Variants in COMMD1 observed in about 807,000 individuals in gnomAD.
The protein encoded by COMMD1 is copper metabolism domain containing 1.
In COMMD1, 10 loss-of-function variants were observed where a neutral mutation model predicts 17.2. The observed-to-expected ratio is 0.58, with a 90% CI of 0.36 to 0.99. The LOEUF is 0.99. Ranked by LOEUF, COMMD1 falls within the 50% of genes least tolerant of loss-of-function variation. The probability of loss-of-function intolerance (pLI) is 0.01; values close to 1 mark genes in which losing one functional copy is unlikely to be tolerated. For synonymous variants in COMMD1, 97 were observed against 91.6 expected, an observed-to-expected ratio of 1.06 and a Z score of -0.34; for missense variants, 270 against 231.8, an observed-to-expected ratio of 1.17 and a Z score of -1.07.
chr2:61,910,698 A>G (rs1254171373), intron 1 of COMMD1, among the ~76,000 whole-genome samples: 2 of 152,224 alleles, frequency 1.3e-5, no homozygotes, highest in African/African-American at 2.4e-5. Flanking sequence ...GCATAATCTA[A>G]CTATGAAGAT....
rs548671690 is a variant in COMMD1 at position 62,113,124 on chromosome 2, C to T, written c.463-22707C>T. ...ACTTTGGGAGGCAGAGGTGGGAGGT[C>T]GCATGAGTCTGGGAGTTCAAGACTA... On this transcript the variant is annotated intron_variant, in intron 2 of 2. Coordinates refer to ENST00000311832, the MANE Select transcript of COMMD1 (RefSeq NM_152516.4). Among the ~76,000 whole-genome samples, 39 of 151,528 alleles carry T rather than the reference C, an allele frequency of 2.6e-4. 1 individual carries two copies. The highest frequency in any genetic ancestry group is 4.4e-5 in the Non-Finnish European group (3 of 67,912).
intron 2 of COMMD1, among the ~76,000 whole-genome samples, chr2:62,096,739 A>G (rs1672022264): frequency 6.6e-6 from 1 of 152,250 alleles, no homozygotes; most frequent in African/African-American, 2.4e-5. Flanking sequence ...CATATGTCCC[A>G]AATACTTAAC....
chr2:61,905,461 G>C (rs1669744994), upstream of COMMD1, among the ~76,000 whole-genome samples: 1 of 152,240 alleles, frequency 6.6e-6, no homozygotes, highest in Non-Finnish European at 1.5e-5. Flanking sequence ...GAAGCAAAGT[G>C]ACCCTACTGG....
chr2:62,003,248 C>CAA (rs1433527620), intron 2 of COMMD1, among the ~76,000 whole-genome samples: 1 of 136,564 alleles, frequency 7.3e-6, no homozygotes, highest in African/African-American at 2.9e-5. Flanking sequence ...AAAAACAAAA[C>CAA]AAAACAAAAC....
intron 1 of COMMD1, among the ~76,000 whole-genome samples, chr2:61,980,635 G>A (rs888347699): frequency 2.1e-5 from 3 of 144,332 alleles, no homozygotes; most frequent in Non-Finnish European, 3.0e-5. Context: ...GTTCATTGTA[G>A]ATTCTGGATA....
intron 2 of COMMD1, among the ~76,000 whole-genome samples, chr2:62,126,718 G>A (rs1301726184): frequency 6.6e-6 from 1 of 152,114 alleles, no homozygotes; most frequent in Non-Finnish European, 1.5e-5. Context: ...CCTGTTTGCT[G>A]TGATGATAGT....
At chr2:62,039,219 TCAAG>T (rs972917239) in intron 2 of COMMD1, among the ~76,000 whole-genome samples, 1 of 152,248 alleles carries the variant, frequency 6.6e-6, no homozygotes, top group Non-Finnish European at 1.5e-5. Flanking sequence ...CTTCTTTCCT[TCAAG>T]CAGAGAATAT....
At chr2:61,896,064 C>T (rs1669542826) in intron 1 of COMMD1, among the ~76,000 whole-genome samples, 1 of 152,170 alleles carries the variant, frequency 6.6e-6, no homozygotes, top group African/African-American at 2.4e-5. Flanking sequence ...TCTATAAAGA[C>T]TGGAAGAGGT....
At chr2:61,971,369 A>T (rs1040461347) in intron 1 of COMMD1, among the ~76,000 whole-genome samples, 3 of 152,130 alleles carry the variant, frequency 2.0e-5, no homozygotes, top group African/African-American at 7.2e-5. Flanking sequence ...TTAAGATAAG[A>T]TGGGCACGTA....
At chr2:61,961,538 A>G (rs1428466461) in intron 1 of COMMD1, among the ~76,000 whole-genome samples, 1 of 152,184 alleles carries the variant, frequency 6.6e-6, no homozygotes, top group Non-Finnish European at 1.5e-5. Context: ...ATCTTATGGT[A>G]AAAAATTGTG....
At chr2:61,898,972 GT>G (rs1390205182) in intron 1 of COMMD1, among the ~76,000 whole-genome samples, 2 of 152,132 alleles carry the variant, frequency 1.3e-5, no homozygotes, top group Non-Finnish European at 2.9e-5. Context: ...CTGCTACCAA[GT>G]TTCAACAGTT....
Position 62,115,832 on chromosome 2 carries a change from T to C in COMMD1, c.463-19999T>C, listed in dbSNP as rs139989950. ...AAGTCATAATTTTGGTGGGTTTTTT[T>C]TTTCTTTCTTTCTTTCTTTCTTTCT... On this transcript the variant is annotated intron_variant, in intron 2 of 2. Transcript: ENST00000311832. 4.7e-3 allele frequency among the ~76,000 whole-genome samples: 639 copies of C among 135,202 alleles called. 11 individuals are homozygous for C. Among genetic ancestry groups the C allele is most frequent in the Non-Finnish European group, 4.0e-3 (261 of 65,428 alleles). The allele number at this position is 135,202 out of a possible 152,430, so 88.7% of individuals were successfully genotyped here. A position where few individuals can be genotyped will look rare whatever the true frequency, so the allele number is the denominator to read the frequency against.
At chr2:61,930,952 C>G (rs1174370620) in intron 1 of COMMD1, among the ~76,000 whole-genome samples, 2 of 151,788 alleles carry the variant, frequency 1.3e-5, no homozygotes, top group Admixed American at 6.6e-5. Flanking sequence ...TATATATGCT[C>G]GAACTCATGG....
chr2:62,036,296 A>C (rs540643588), intron 2 of COMMD1, among the ~76,000 whole-genome samples: 4 of 152,346 alleles, frequency 2.6e-5, no homozygotes, highest in Admixed American at 2.6e-4. Context: ...TTGTTTTATC[A>C]TATCCTTACA....
At chr2:62,048,677 AT>A (rs1342973972) in intron 2 of COMMD1, among the ~76,000 whole-genome samples, 2 of 151,086 alleles carry the variant, frequency 1.3e-5, no homozygotes, top group African/African-American at 2.4e-5. Flanking sequence ...TTTTCAGCAG[AT>A]TTTTTTCTCG....
At chr2:61,981,160 A>G (rs967276405) in intron 1 of COMMD1, among the ~76,000 whole-genome samples, 1 of 152,090 alleles carries the variant, frequency 6.6e-6, no homozygotes, top group African/African-American at 2.4e-5. Flanking sequence ...ACTTAATGTG[A>G]TCCCATTTGT....
At position 62,134,502 on chromosome 2, in the gene COMMD1, AGATG is replaced by A. The variant is rs1170533746; in HGVS notation, c.463-1328_463-1325del. On this transcript the variant is annotated intron_variant, in intron 2 of 2. Coordinates refer to ENST00000311832, the MANE Select transcript of COMMD1 (RefSeq NM_152516.4). ...TTATCCTTGTCTCTCAAGATAATGCAGATGTAGAATTTGTCTAGTGTGCATGAAA... is the reference window on the plus strand; with the variant it reads ...TTATCCTTGTCTCTCAAGATAATGCATAGAATTTGTCTAGTGTGCATGAAA... Among the ~76,000 whole-genome samples, 4 of 152,010 alleles carry A rather than the reference AGATG, an allele frequency of 2.6e-5. No individual in the cohort carries two copies. In the East Asian group the frequency reaches 7.7e-4, roughly 29 times the overall value.
At chr2:61,924,886 G>A (rs563001908) in intron 1 of COMMD1, among the ~76,000 whole-genome samples, 39 of 152,284 alleles carry the variant, frequency 2.6e-4, no homozygotes, top group South Asian at 1.5e-3. Context: ...CCCCTTTCCC[G>A]TGGAACTTGT....
At chr2:61,976,585 T>G (rs1671808827) in intron 1 of COMMD1, among the ~76,000 whole-genome samples, 1 of 152,160 alleles carries the variant, frequency 6.6e-6, no homozygotes, top group Admixed American at 6.5e-5. Context: ...TCAGCACTCC[T>G]ATCAGTAATG....
Sources: gnomAD v4.1 joint callset for allele counts (sites outside exome capture counted in the v4.1 genomes callset) on GRCh38, gnomAD v4.1.1 for gene constraint, MANE v1.5 for transcripts, NCBI Gene and HGNC (gene_info 2026-07-23, HGNC 2026-07-21) for gene names.